The following LRRC4C variants were observed in gnomAD, a reference collection of about 807,000 sequenced individuals.
The protein encoded by LRRC4C is leucine rich repeat containing 4C.
In LRRC4C, 5 loss-of-function variants were observed where a neutral mutation model predicts 33.6. The observed-to-expected ratio is 0.15, with a 90% confidence interval of 0.08 to 0.31. The LOEUF (loss-of-function observed/expected upper bound fraction) is 0.31. Among genes scored for constraint, LRRC4C ranks in the 10% least tolerant of loss-of-function variants. LRRC4C has a pLI of 1.00. For missense variants in LRRC4C, 560 were observed against 796.7 expected, an observed-to-expected ratio of 0.70 and a Z score of 3.58; for synonymous variants, 329 against 302.0, an observed-to-expected ratio of 1.09 and a Z score of -0.93.
chr11:40,864,886 G>GGAT (rs1226587064), intron 2 of LRRC4C, among the ~76,000 whole-genome samples: 2 of 152,122 alleles, frequency 1.3e-5, no homozygotes, highest in African/African-American at 2.4e-5. Context: ...TTACACAAGG[G>GGAT]GATAAGTGGA....
chr11:40,518,757 C>T (rs1018959854), intron 3 of LRRC4C, among the ~76,000 whole-genome samples: 4 of 151,744 alleles, frequency 2.6e-5, no homozygotes, highest in South Asian at 2.1e-4. Flanking sequence ...TGGGTATATA[C>T]CCAAAGGATT....
At chr11:40,811,178 T>C (rs1951472831) in intron 2 of LRRC4C, among the ~76,000 whole-genome samples, 1 of 152,176 alleles carries the variant, frequency 6.6e-6, no homozygotes, top group Non-Finnish European at 1.5e-5. Context: ...AATGTCTGAC[T>C]CTTTTCTTCA....
At chr11:41,172,236 C>A (rs1309972652) in intron 1 of LRRC4C, among the ~76,000 whole-genome samples, 1 of 152,152 alleles carries the variant, frequency 6.6e-6, no homozygotes, top group African/African-American at 2.4e-5. Flanking sequence ...TCAATAAAGT[C>A]TGAATGCCAT....
At chr11:40,215,699 A>G (rs1393621005) in intron 5 of LRRC4C, among the ~76,000 whole-genome samples, 1 of 152,214 alleles carries the variant, frequency 6.6e-6, no homozygotes, top group East Asian at 1.9e-4. Context: ...AATAAAAGAC[A>G]TGCCCTTGGT....
rs1217714729 is a variant in LRRC4C, at chr11:41,123,261, G to GTTT, written c.-495-189541_-495-189539dup. Among the ~76,000 whole-genome samples the GTTT allele has an allele frequency of 7.3e-4, 35 of 48,096 alleles. 2 individuals are homozygous for GTTT. The highest frequency in any genetic ancestry group is 1.8e-3 in the African/African-American group (32 of 17,322). 31.6% of individuals were successfully genotyped at this position (48,096 alleles called of 152,430 possible). A position where few individuals can be genotyped will look rare whatever the true frequency, so the allele number is the denominator to read the frequency against. On this transcript the variant is annotated intron_variant, in intron 1 of 6. Coordinates refer to ENST00000528697, the MANE Select transcript of LRRC4C (RefSeq NM_001258419.2). ...CTTTCTCTATCCTGAGCTATGTTTTGTTTTTTTTTTTTTTTTTTTTTTTTT... is the reference window on the plus strand; with the variant it reads ...CTTTCTCTATCCTGAGCTATGTTTTGTTTTTTTTTTTTTTTTTTTTTTTTTTTT...
chr11:40,415,407 A>C (rs565335179), intron 3 of LRRC4C, among the ~76,000 whole-genome samples: 7 of 152,134 alleles, frequency 4.6e-5, no homozygotes, highest in Non-Finnish European at 1.0e-4. Flanking sequence ...TGGGGAGAGG[A>C]GATAGTGCAG....
chr11:40,991,210 A>T (rs1447049264), intron 1 of LRRC4C, among the ~76,000 whole-genome samples: 2 of 151,074 alleles, frequency 1.3e-5, no homozygotes, highest in African/African-American at 4.8e-5. Context: ...TATGTAAAAA[A>T]AAAAAAAAAA....
intron 1 of LRRC4C, among the ~76,000 whole-genome samples, chr11:41,165,458 C>A (rs1330109051): frequency 2.0e-5 from 3 of 152,030 alleles, no homozygotes; most frequent in Admixed American, 1.3e-4. Flanking sequence ...AAGTAACACC[C>A]TCAGTATATT....
At chr11:40,472,102 C>G (rs1952970937) in intron 3 of LRRC4C, among the ~76,000 whole-genome samples, 1 of 147,346 alleles carries the variant, frequency 6.8e-6, no homozygotes, top group African/African-American at 2.4e-5. Flanking sequence ...ATGGTGAAAC[C>G]CTGTCTCTAC....
At chr11:40,926,882 T>C (rs75654581) in intron 2 of LRRC4C, among the ~76,000 whole-genome samples, 2,389 of 152,274 alleles carry the variant, frequency 0.016, 41 homozygotes, top group Non-Finnish European at 0.021. Flanking sequence ...TGTAAATATA[T>C]GTGCATCAGT....
intron 1 of LRRC4C, among the ~76,000 whole-genome samples, chr11:41,170,328 G>C (rs887609501): frequency 2.0e-5 from 3 of 152,110 alleles, no homozygotes; most frequent in Non-Finnish European, 4.4e-5. Context: ...CAAAGCTGGA[G>C]GCATCACGCT....
chr11:40,452,687 A>G (rs1052621510), intron 3 of LRRC4C, among the ~76,000 whole-genome samples: 11 of 152,178 alleles, frequency 7.2e-5, no homozygotes, highest in Non-Finnish European at 1.2e-4. Context: ...CTGGGTATAT[A>G]CCCAAAGGGT....
chr11:40,745,839 A>T (rs1948389938), intron 2 of LRRC4C, among the ~76,000 whole-genome samples: 1 of 152,208 alleles, frequency 6.6e-6, no homozygotes, highest in Non-Finnish European at 1.5e-5. Context: ...GGACTTTATG[A>T]ATCTGGCGTT....
At position 41,206,070 on chromosome 11, in the gene LRRC4C, T is replaced by A. The variant is rs531581465; in HGVS notation, c.-496+253361A>T. ...TTGAGATAAGAATTTATATACAACA[T>A]AGAAAAGCTTTTTATGACAATTTCA... On this transcript the variant is annotated intron_variant, in intron 1 of 6. Coordinates refer to ENST00000528697, the MANE Select transcript of LRRC4C (RefSeq NM_001258419.2). Among the ~76,000 whole-genome samples the A allele has an allele frequency of 5.3e-5, 8 of 152,212 alleles. No individual in the cohort carries two copies. The East Asian group carries it at 1.5e-3, about 29-fold the overall frequency.
chr11:40,427,126 T>C (rs776280148), intron 3 of LRRC4C, among the ~76,000 whole-genome samples: 1 of 152,148 alleles, frequency 6.6e-6, no homozygotes, highest in Non-Finnish European at 1.5e-5. Context: ...GTATTCATAA[T>C]AATATAGAGG....
At position 41,166,416 on chromosome 11, in the gene LRRC4C, G is replaced by A. The variant is rs142196644; in HGVS notation, c.-495-232693C>T. Among the ~76,000 whole-genome samples the A allele has an allele frequency of 1.6e-3, 236 of 152,224 alleles. 1 individual carries two copies. Among genetic ancestry groups the A allele is most frequent in the Middle Eastern group, 6.8e-3 (2 of 294 alleles). ...AACATACATTCCGTGACCACAGAAC[G>A]ACATATAGTCAGACCTTAACACTTT... On this transcript the variant is annotated intron_variant, in intron 1 of 6. Coordinates refer to ENST00000528697, the MANE Select transcript of LRRC4C (RefSeq NM_001258419.2).
chr11:40,876,835 G>A (rs1000064973), intron 2 of LRRC4C, among the ~76,000 whole-genome samples: 1 of 150,794 alleles, frequency 6.6e-6, no homozygotes, highest in East Asian at 2.0e-4. Flanking sequence ...CCTAGGAGGT[G>A]GGGGTTGTAG....
intron 2 of LRRC4C, among the ~76,000 whole-genome samples, chr11:40,789,633 A>G (rs892809735): frequency 1.3e-4 from 20 of 152,196 alleles, no homozygotes; most frequent in African/African-American, 4.6e-4. Flanking sequence ...TTCAACTCAG[A>G]CAAACCTCAT....
chr11:40,952,169 G>A (rs747801787), intron 1 of LRRC4C, among the ~76,000 whole-genome samples: 2 of 151,888 alleles, frequency 1.3e-5, no homozygotes. Context: ...AATTAGCAAT[G>A]TGAGTGACTA....
Sources: allele counts gnomAD v4.1 joint callset (sites outside exome capture counted in the v4.1 genomes callset), GRCh38; gene constraint gnomAD v4.1.1; transcripts MANE v1.5; gene names NCBI Gene and HGNC (gene_info 2026-07-23, HGNC 2026-07-21).